PDCD6: variants seen among roughly 807,000 people sequenced by gnomAD.
PDCD6 encodes programmed cell death 6.
Under a neutral mutation model 28.3 loss-of-function variants are expected in PDCD6, and 12 were observed. The ratio of observed to expected loss-of-function variants is 0.42; its 90% CI spans 0.27 to 0.69. The LOEUF is 0.69. PDCD6 is among the 30% of genes least tolerant of loss of function. The pLI, the probability that PDCD6 is intolerant of heterozygous loss-of-function variation, is 0.22. For synonymous variants in PDCD6, 92 were observed against 108.0 expected, an observed-to-expected ratio of 0.85 and a Z score of 0.92; for missense variants, 226 against 269.9, an observed-to-expected ratio of 0.84 and a Z score of 1.14.
intron 2 of PDCD6, among the ~76,000 whole-genome samples, chr5:299,373 C>T (rs997912174): frequency 9.4e-5 from 14 of 148,478 alleles, no homozygotes; most frequent in East Asian, 8.1e-4. Flanking sequence ...ACCTCCCTGG[C>T]GAGACCATGC....
At chr5:282,338 AT>A (rs1354290378) in intron 2 of PDCD6, among the ~76,000 whole-genome samples, 1 of 150,358 alleles carries the variant, frequency 6.7e-6, no homozygotes, top group African/African-American at 2.5e-5. Flanking sequence ...GGAGGAGCTG[AT>A]GTTCTAGATT....
chr5:275,064 C>CTTTCATCTT (rs1181671229), intron 2 of PDCD6, among the ~76,000 whole-genome samples: 2 of 15,678 alleles, frequency 1.3e-4, no homozygotes, highest in African/African-American at 2.3e-4. Flanking sequence ...TGAGCTTCCT[C>CTTTCATCTT]TGCCTTTCAT....
intron 2 of PDCD6, among the ~76,000 whole-genome samples, chr5:298,354 A>G (rs1046320208): frequency 4.6e-5 from 7 of 151,696 alleles, no homozygotes; most frequent in African/African-American, 1.5e-4. Flanking sequence ...GTGGCTCCCC[A>G]GGAGTGAGCA....
At chr5:311,269 T>C in intron 4 of PDCD6, 24 bp from the exon 5 acceptor site, 2 of 1,589,360 alleles carry the variant, frequency 1.3e-6, no homozygotes, top group Non-Finnish European at 1.7e-6. Flanking sequence ...CAGCCTTCTC[T>C]GACTCTGACT....
chr5:298,130 C>T (rs1250630242), intron 2 of PDCD6, among the ~76,000 whole-genome samples: 4 of 152,202 alleles, frequency 2.6e-5, no homozygotes, highest in Admixed American at 2.6e-4. Flanking sequence ...GCATCCAGCT[C>T]TGCTCATGAT....
At chr5:311,229 T>G (rs1579556549) in intron 4 of PDCD6, 64 bp from the exon 5 acceptor site, 1 of 1,216,864 alleles carries the variant, frequency 8.2e-7, no homozygotes, top group Non-Finnish European at 1.2e-6. Context: ...GCAGGAGGGG[T>G]GAGTGTTGGC....
chr5:298,053 C>G (rs1182824170), intron 2 of PDCD6, among the ~76,000 whole-genome samples: 4 of 152,180 alleles, frequency 2.6e-5, no homozygotes, highest in Non-Finnish European at 5.9e-5. Flanking sequence ...TAGAGTCCCA[C>G]AGACCACAGC....
chr5:293,315 GA>G (rs1457139415), intron 2 of PDCD6, among the ~76,000 whole-genome samples: 9 of 148,388 alleles, frequency 6.1e-5, no homozygotes, highest in African/African-American at 1.8e-4. Context: ...ATGACAGGAA[GA>G]GCAGATCAAG....
chr5:299,249 AGCTGTTCCCC>A (rs1739866566), intron 2 of PDCD6, among the ~76,000 whole-genome samples: 1 of 49,086 alleles, frequency 2.0e-5, no homozygotes, highest in Non-Finnish European at 3.8e-5. Context: ...GCTCCCCCCC[AGCTGTTCCCC>A]CCCAGCTGTT....
chr5:304,642 A>AGC (rs1332002864), intron 3 of PDCD6: 5 of 163,204 alleles, frequency 3.1e-5, no homozygotes, highest in African/African-American at 9.6e-5. Context: ...AGCGCTAGAT[A>AGC]TTTGTGACAT....
At chr5:298,894 C>T in intron 2 of PDCD6, among the ~76,000 whole-genome samples, 1 of 61,888 alleles carries the variant, frequency 1.6e-5, no homozygotes, top group Non-Finnish European at 3.3e-5. Context: ...TCTCACCCAG[C>T]TGCTCTCACC....
chr5:287,258 T>G (rs2126712331), intron 2 of PDCD6, among the ~76,000 whole-genome samples: 1 of 152,214 alleles, frequency 6.6e-6, no homozygotes, highest in African/African-American at 2.4e-5. Flanking sequence ...GGAATCCTGG[T>G]CAGGAGCCAG....
chr5:294,416 G>A (rs1388436507), intron 2 of PDCD6, among the ~76,000 whole-genome samples: 1 of 152,216 alleles, frequency 6.6e-6, no homozygotes, highest in Non-Finnish European at 1.5e-5. Context: ...CCTCATCAAA[G>A]AAGGTATAAG....
chr5:294,984 G>C (rs1739516339), intron 2 of PDCD6, among the ~76,000 whole-genome samples: 1 of 152,090 alleles, frequency 6.6e-6, no homozygotes, highest in African/African-American at 2.4e-5. Context: ...CTACCGTGTT[G>C]GGGAGCAGGG....
intron 2 of PDCD6, among the ~76,000 whole-genome samples, chr5:301,585 G>C (rs1340848822): frequency 5.3e-5 from 8 of 152,132 alleles, no homozygotes; most frequent in Admixed American, 1.3e-4. Flanking sequence ...GATGCTCGTC[G>C]AGTGCTGCTG....
chr5:271,770 C>T lies in PDCD6; in HGVS notation c.50C>T (p.Ala17Val). 1 of 1,495,456 alleles carries T rather than the reference C, an allele frequency of 6.7e-7. No homozygotes were observed. Among genetic ancestry groups the T allele is most frequent in the Non-Finnish European group, 8.9e-7 (1 of 1,129,026 alleles). The allele number at this position is 1,495,456 out of a possible 1,614,324, so 92.6% of individuals were successfully genotyped here. ...RPGPGAGPGP[A>V]AGAALPDQSF... ...GGCCCTGGGGCCGGCCCTGGGCCTGCTGCAGGCGCGGCGCTGCCGGACCAG... is the reference window on the plus strand; with the variant it reads ...GGCCCTGGGGCCGGCCCTGGGCCTGTTGCAGGCGCGGCGCTGCCGGACCAG... The change falls in exon 1 of 6, where the codon GCT becomes GTT. Residue 17 changes from alanine (A) to valine (V), a missense_variant. Around this residue, in one of 3 missense-constraint regions of PDCD6, gnomAD observed 72 missense variants for 71.4 expected, o/e 1.01. Coordinates refer to ENST00000264933, the MANE Select transcript of PDCD6 (RefSeq NM_013232.4).
chr5:273,532 G>C (rs1349303222), intron 2 of PDCD6, among the ~76,000 whole-genome samples: 1 of 152,280 alleles, frequency 6.6e-6, no homozygotes, highest in Middle Eastern at 3.4e-3. Flanking sequence ...TGCTTTTCCA[G>C]ATCCGTGCCA....
chr5:311,522 A>T, intron 5 of PDCD6, 120 bp downstream of exon 5: 1 of 672,768 alleles, frequency 1.5e-6, no homozygotes. Flanking sequence ...TTTGGAGCTT[A>T]TAAAAGTGAG....
At chr5:277,994 T>C (rs571866259) in intron 2 of PDCD6, among the ~76,000 whole-genome samples, 25 of 151,928 alleles carry the variant, frequency 1.6e-4, no homozygotes, top group Non-Finnish European at 2.1e-4. Context: ...AACTTTAATC[T>C]CATACCCAGT....
Sources: gnomAD v4.1 joint callset for allele counts (sites outside exome capture counted in the v4.1 genomes callset) on GRCh38, gnomAD v4.1.1 for gene constraint, gnomAD v4.1.1 regional missense constraint, MANE v1.5 for transcripts, NCBI Gene and HGNC (gene_info 2026-07-23, HGNC 2026-07-21) for gene names.